Variants in SMARCC1 observed in about 807,000 individuals in gnomAD.
SMARCC1 encodes the protein SWI/SNF complex subunit SMARCC1.
SMARCC1 carries 43 observed loss-of-function variants against 147.4 expected under a neutral mutation model. That is an observed-to-expected ratio of 0.29 (90% CI 0.23 to 0.38). The LOEUF (loss-of-function observed/expected upper bound fraction) is 0.38. SMARCC1 is among the 10% of genes least tolerant of loss of function. The pLI, the probability that SMARCC1 is intolerant of heterozygous loss-of-function variation, is 1.00. For synonymous variants in SMARCC1, 495 were observed against 484.4 expected, an observed-to-expected ratio of 1.02 and a Z score of -0.29; for missense variants, 1,119 against 1,381.1, an observed-to-expected ratio of 0.81 and a Z score of 3.01.
chr3:47,691,369 T>C (rs2033786845), intron 12 of SMARCC1, among the ~76,000 whole-genome samples: 1 of 151,930 alleles, frequency 6.6e-6, no homozygotes, highest in Admixed American at 6.6e-5. Flanking sequence ...ATCCCAGCAC[T>C]CTGGGAGGCC....
At chr3:47,755,989 TAAAAAAAAAAAAAAA>T (rs34001771) in intron 2 of SMARCC1, among the ~76,000 whole-genome samples, 1,568 of 23,094 alleles carry the variant, frequency 0.068, 67 homozygotes, top group African/African-American at 0.24. Flanking sequence ...GGCTTCATCT[TAAAAAAAAAAAAAAA>T]AAAAAAAAAA....
chr3:47,659,358 G>A (rs528265208), intron 21 of SMARCC1, among the ~76,000 whole-genome samples: 81 of 148,776 alleles, frequency 5.4e-4, no homozygotes, highest in African/African-American at 1.9e-3. Flanking sequence ...ACCAAAACTA[G>A]ATAAAGATAT....
At chr3:47,621,639 C>G (rs2032733688) in intron 25 of SMARCC1, among the ~76,000 whole-genome samples, 1 of 152,006 alleles carries the variant, frequency 6.6e-6, no homozygotes, top group Non-Finnish European at 1.5e-5. Flanking sequence ...ACAATAGACA[C>G]TGGTGACTCC....
Position 47,588,137 on chromosome 3 carries a change from G to A in SMARCC1, c.*72C>T. On this transcript the variant is annotated 3_prime_UTR_variant, in exon 28 of 28. Coordinates refer to ENST00000254480, the MANE Select transcript of SMARCC1 (RefSeq NM_003074.4). ...ATCCTGAAAGAAACCCAAGAAAGTT[G>A]AGGAACACAAGTCTTGTCATCCCCA... 1.6e-6 allele frequency: 2 copies of A among 1,225,358 alleles called. No individual in the cohort carries two copies. The highest frequency in any genetic ancestry group is 1.2e-6 in the Non-Finnish European group (1 of 847,900). 75.9% of individuals were successfully genotyped at this position (1,225,358 alleles called of 1,614,324 possible).
intron 8 of SMARCC1, among the ~76,000 whole-genome samples, chr3:47,712,163 C>T (rs2034091447): frequency 6.6e-6 from 1 of 152,034 alleles, no homozygotes; most frequent in Non-Finnish European, 1.5e-5. Context: ...ACCCAGGAGG[C>T]GGAGGTTGCA....
intron 24 of SMARCC1, among the ~76,000 whole-genome samples, chr3:47,627,885 C>T (rs1225301251): frequency 5.9e-5 from 9 of 151,808 alleles, no homozygotes; most frequent in Non-Finnish European, 1.0e-4. Flanking sequence ...CCACGCCTGG[C>T]CAACTTTAAA....
chr3:47,604,404 G>C, intron 26 of SMARCC1: 1 of 411,454 alleles, frequency 2.4e-6, no homozygotes, highest in South Asian at 1.8e-5. Flanking sequence ...AAATACCAAA[G>C]ACAGCCAACT....
chr3:47,589,719 G>A (rs564317829), intron 27 of SMARCC1, among the ~76,000 whole-genome samples: 1 of 152,330 alleles, frequency 6.6e-6, no homozygotes, highest in African/African-American at 2.4e-5. Flanking sequence ...GAGTATTAGA[G>A]TGTACTTAAG....
chr3:47,707,521 A>C (rs892919102), intron 9 of SMARCC1, among the ~76,000 whole-genome samples: 2 of 151,974 alleles, frequency 1.3e-5, no homozygotes, highest in Non-Finnish European at 2.9e-5. Flanking sequence ...AAAACACCTA[A>C]ATTATCAGTA....
At chr3:47,679,272 C>A (rs2033610749) in intron 15 of SMARCC1, among the ~76,000 whole-genome samples, 1 of 150,170 alleles carries the variant, frequency 6.7e-6, no homozygotes, top group East Asian at 1.9e-4. Context: ...AGGGTATGTA[C>A]AGTATTGACA....
intron 4 of SMARCC1, among the ~76,000 whole-genome samples, chr3:47,736,335 T>C (rs767978878): frequency 3.3e-5 from 5 of 152,168 alleles, no homozygotes; most frequent in Non-Finnish European, 5.9e-5. Flanking sequence ...CCAAATTTAC[T>C]TTAATGGTCT....
chr3:47,745,030 G>C, intron 3 of SMARCC1, among the ~76,000 whole-genome samples: 1 of 152,184 alleles, frequency 6.6e-6, no homozygotes, highest in East Asian at 1.9e-4. Flanking sequence ...CACCTTGGAA[G>C]GTCAAGGCAG....
At position 47,592,822 on chromosome 3, in the gene SMARCC1, G is replaced by GTTT. The variant is rs139189268; in HGVS notation, c.3044-1988_3044-1986dup. Reference sequence around the variant, plus strand: ...CTACGTTTCCCAGGCTGGTAGTCTTGTTTTTTTTTTTTTTTGAGACAGAGT... The same window carrying GTTT: ...CTACGTTTCCCAGGCTGGTAGTCTTGTTTTTTTTTTTTTTTTTTGAGACAGAGT... On this transcript the variant is annotated intron_variant, in intron 26 of 27. Coordinates refer to ENST00000254480, the MANE Select transcript of SMARCC1 (RefSeq NM_003074.4). Among the ~76,000 whole-genome samples the GTTT allele has an allele frequency of 9.5e-5, 13 of 136,552 alleles. 1 individual carries two copies. Among genetic ancestry groups the GTTT allele is most frequent in the East Asian group, 4.3e-4 (2 of 4,690 alleles). 89.6% of individuals were successfully genotyped at this position (136,552 alleles called of 152,430 possible).
intron 1 of SMARCC1, among the ~76,000 whole-genome samples, chr3:47,780,168 G>T (rs138465221): frequency 4.5e-3 from 279 of 61,936 alleles, no homozygotes; most frequent in South Asian, 8.2e-3. Flanking sequence ...GTTTTTTTTT[G>T]TTTTTTTTTT....
chr3:47,593,406 A>G (rs2032218441), intron 26 of SMARCC1, among the ~76,000 whole-genome samples: 1 of 151,752 alleles, frequency 6.6e-6, no homozygotes, highest in Admixed American at 6.6e-5. Flanking sequence ...TCCTGACCTC[A>G]AGTGATCTGC....
At chr3:47,757,498 C>T (rs1460882139) in intron 2 of SMARCC1, among the ~76,000 whole-genome samples, 7 of 152,000 alleles carry the variant, frequency 4.6e-5, no homozygotes, top group Admixed American at 4.6e-4. Context: ...AACGCTCAGC[C>T]AGGTGTGGTG....
chr3:47,649,910 T>C (rs562148303), intron 21 of SMARCC1, among the ~76,000 whole-genome samples: 1 of 152,290 alleles, frequency 6.6e-6, no homozygotes, highest in South Asian at 2.1e-4. Context: ...TGTAGGAAAA[T>C]GTCCTTATCC....
chr3:47,766,512 T>A (rs2034842423), intron 2 of SMARCC1, among the ~76,000 whole-genome samples: 1 of 152,030 alleles, frequency 6.6e-6, no homozygotes, highest in Non-Finnish European at 1.5e-5. Context: ...TGGTCGAATA[T>A]GCAGTGAGTT....
intron 12 of SMARCC1, 91 bp downstream of exon 12, chr3:47,693,150 C>T (rs2033810342): frequency 1.2e-6 from 1 of 822,424 alleles, no homozygotes; most frequent in Non-Finnish European, 2.1e-6. Flanking sequence ...GCCTGACCAA[C>T]AGAACAAGAC....
Sources: allele counts gnomAD v4.1 joint callset (sites outside exome capture counted in the v4.1 genomes callset), GRCh38; gene constraint gnomAD v4.1.1; transcripts MANE v1.5; gene names NCBI Gene and HGNC (gene_info 2026-07-23, HGNC 2026-07-21).